CACNA1A: variants seen among roughly 807,000 people sequenced by gnomAD.
CACNA1A encodes the protein voltage-dependent P/Q-type calcium channel subunit alpha-1A.
Under a neutral mutation model 262.4 loss-of-function variants are expected in CACNA1A, and 57 were observed. The ratio of observed to expected loss-of-function variants is 0.22; its 90% confidence interval spans 0.18 to 0.27. CACNA1A has a LOEUF of 0.27. Among genes scored for constraint, CACNA1A ranks in the 10% least tolerant of loss-of-function variants. The pLI, the probability that CACNA1A is intolerant of heterozygous loss-of-function variation, is 1.00. For missense variants in CACNA1A, 2,526 were observed against 3,562.8 expected (o/e 0.71, Z 7.41); for synonymous variants, 1,431 against 1,419.3 (o/e 1.01, Z -0.18).
chr19:13,454,872 T>C (rs565820702), intron 2 of CACNA1A, among the ~76,000 whole-genome samples: 1 of 152,140 alleles, frequency 6.6e-6, no homozygotes, highest in South Asian at 2.1e-4. Flanking sequence ...AGTGGGAGGA[T>C]GGCTTGAGCC....
chr19:13,334,569 GTGTGTGTGTGTGTGTGTGTGTGTT>G, intron 7 of CACNA1A, 76 bp from the exon 8 acceptor site: 3 of 653,060 alleles, frequency 4.6e-6, no homozygotes, highest in Non-Finnish European at 5.4e-6. Context: ...GTTTGTGTGT[GTGTGTGTGTGTGTGTGTGTGTGTT>G]TGTGTGTGTG....
At position 13,241,562 on chromosome 19, in the gene CACNA1A, GGGC is replaced by G; in HGVS notation, c.4950+3617_4950+3619del. 2 of 1,201,734 alleles carry G rather than the reference GGGC, an allele frequency of 1.7e-6. No homozygotes were observed. The highest frequency in any genetic ancestry group is 2.0e-5 in the Admixed American group (1 of 51,006). The allele number at this position is 1,201,734 out of a possible 1,614,324, so 74.4% of individuals were successfully genotyped here. A position where few individuals can be genotyped will look rare whatever the true frequency, so the allele number is the denominator to read the frequency against. On this transcript the variant is annotated intron_variant, in intron 31 of 46. Coordinates refer to ENST00000360228, the MANE Select transcript of CACNA1A (RefSeq NM_001127222.2). The surrounding 1 kb of genome is among the most constrained non-coding windows in gnomAD (Gnocchi z 4.0). ...ATGTTGAAGATGAGGGGGAGCGGGC[GGGC>G]GGGGGCAGTTGGGGAGGCGTGTTCA...
chr19:13,380,719 A>C (rs2059508367), intron 3 of CACNA1A, among the ~76,000 whole-genome samples: 2 of 149,458 alleles, frequency 1.3e-5, no homozygotes, highest in South Asian at 4.2e-4. Context: ...GAAACAGGTA[A>C]AATTCATTTA....
chr19:13,447,451 T>C (rs1245743353), intron 3 of CACNA1A, among the ~76,000 whole-genome samples: 2 of 152,218 alleles, frequency 1.3e-5, no homozygotes, highest in Non-Finnish European at 2.9e-5. Context: ...TGATCACTTA[T>C]TGGGACCCAC....
intron 24 of CACNA1A, chr19:13,275,521 G>T (rs576363991): frequency 2.9e-6 from 1 of 342,266 alleles, no homozygotes; most frequent in East Asian, 5.9e-5. Context: ...TTTGGGCGGC[G>T]CTTGTGGAGT....
At chr19:13,240,847 G>A (rs777613892) in intron 31 of CACNA1A, among the ~76,000 whole-genome samples, 11 of 152,250 alleles carry the variant, frequency 7.2e-5, no homozygotes, top group Admixed American at 4.6e-4. Context: ...GTGTGACTGC[G>A]TGTGCACGTA....
Position 13,257,224 on chromosome 19 carries a change from G to A in CACNA1A, c.4590+126C>T, listed in dbSNP as rs560981473. ...AAGGGCTGCCCTGAAGACTGGATTC[G>A]GTTGGGACAATGCTTCTGTTCCCTC... is the stretch of plus-strand genomic sequence containing the variant. On this transcript the variant is annotated intron_variant, in intron 28 of 46. Transcript: ENST00000360228. The A allele has an allele frequency of 1.1e-4, 78 of 699,930 alleles. 1 individual carries two copies. The highest frequency in any genetic ancestry group is 1.8e-4 in the Non-Finnish European group (75 of 412,816). The allele number at this position is 699,930 out of a possible 1,614,324, so 43.4% of individuals were successfully genotyped here.
rs749474997 is a variant in CACNA1A at position 13,506,128 on chromosome 19, C to A, written c.97G>T (p.Ala33Ser). The A allele has an allele frequency of 6.2e-7, 1 of 1,602,536 alleles. No homozygotes were observed. Among genetic ancestry groups the A allele is most frequent in the Non-Finnish European group, 8.5e-7 (1 of 1,174,858 alleles). The change falls in exon 1 of 47, where the codon GCC becomes TCC. Residue 33 changes from alanine to serine, a missense_variant. Ala to Ser is a moderately conservative substitution (Grantham distance 99). This residue lies in a region of CACNA1A where 65 missense variants were observed against 75.6 expected (regional missense o/e 0.86). Coordinates refer to ENST00000360228, the MANE Select transcript of CACNA1A (RefSeq NM_001127222.2). ...VVVGSGGGRG[A>S]GGSRQGGQPG... ...TGCCCGCCCTGCCGGCTGCCCCCGG[C>A]TCCTCGCCCGCCTCCGCTGCCCACG...
intron 6 of CACNA1A, among the ~76,000 whole-genome samples, chr19:13,338,214 CA>C (rs538455992): frequency 4.8e-5 from 7 of 145,926 alleles, no homozygotes; most frequent in South Asian, 2.2e-4. Flanking sequence ...GACTTCGTCT[CA>C]AAAAAAAAAG....
intron 5 of CACNA1A, among the ~76,000 whole-genome samples, chr19:13,361,414 C>A (rs1369549332): frequency 6.6e-6 from 1 of 152,174 alleles, no homozygotes; most frequent in African/African-American, 2.4e-5. Context: ...CCTCATTTTA[C>A]CAGCACAGCG....
Position 13,236,176 on chromosome 19 carries a change from G to A in CACNA1A, c.4951-446C>T, listed in dbSNP as rs959944219. Among the ~76,000 whole-genome samples, 3 of 150,596 alleles carry A rather than the reference G, an allele frequency of 2.0e-5. No individual in the cohort carries two copies. The highest frequency in any genetic ancestry group is 2.0e-4 in the East Asian group (1 of 5,102). ...AAAGGACACAAGCCGGTCAAGTTGC[G>A]GAATCTATCATACGTGTACGATGCA... On this transcript the variant is annotated intron_variant, in intron 31 of 46. Transcript: ENST00000360228. This position sits in a 1 kb window ranked among gnomAD's most constrained non-coding sequence, Gnocchi z 4.6.
intron 1 of CACNA1A, among the ~76,000 whole-genome samples, chr19:13,489,236 T>C (rs1358640249): frequency 1.3e-5 from 2 of 151,960 alleles, no homozygotes; most frequent in African/African-American, 4.8e-5. Context: ...GATCTCGATC[T>C]CCTGACCTCA....
At chr19:13,485,968 CATCAATGA>C (rs1979927042) in intron 1 of CACNA1A, among the ~76,000 whole-genome samples, 1 of 152,164 alleles carries the variant, frequency 6.6e-6, no homozygotes, top group African/African-American at 2.4e-5. Flanking sequence ...ACATGCTCAT[CATCAATGA>C]ATAAACAAGA....
chr19:13,234,639 CG>C (rs2055804961), intron 34 of CACNA1A, among the ~76,000 whole-genome samples: 1 of 152,030 alleles, frequency 6.6e-6, no homozygotes, highest in Non-Finnish European at 1.5e-5. Context: ...TCCAGCCTCA[CG>C]GGAAAAGAAG....
chr19:13,481,653 T>C (rs1050704063), intron 1 of CACNA1A, among the ~76,000 whole-genome samples: 1 of 152,058 alleles, frequency 6.6e-6, no homozygotes, highest in African/African-American at 2.4e-5. Context: ...CTCACACCAT[T>C]GTTAACATGC....
chr19:13,286,438 G>T, intron 20 of CACNA1A, 65 bp downstream of exon 20: 1 of 779,570 alleles, frequency 1.3e-6, no homozygotes, highest in Non-Finnish European at 2.0e-6. Context: ...GGGTCACTCA[G>T]CAGAGCCTCT....
At chr19:13,311,694 A>C (rs550639348) in intron 12 of CACNA1A, among the ~76,000 whole-genome samples, 3 of 152,060 alleles carry the variant, frequency 2.0e-5, no homozygotes, top group African/African-American at 4.8e-5. Context: ...AAAATTAGCC[A>C]GGTATGATGG....
At position 13,241,557 on chromosome 19, in the gene CACNA1A, C is replaced by A; in HGVS notation, c.4950+3625G>T. 4.6e-6 allele frequency: 1 copy of A among 216,094 alleles called. No individual in the cohort carries two copies. The allele number at this position is 216,094 out of a possible 1,614,324, so 13.4% of individuals were successfully genotyped here. Reference sequence around the variant, plus strand: ...TGCAGATGTTGAAGATGAGGGGGAGCGGGCGGGCGGGGGCAGTTGGGGAGG... The same window carrying A: ...TGCAGATGTTGAAGATGAGGGGGAGAGGGCGGGCGGGGGCAGTTGGGGAGG... On this transcript the variant is annotated intron_variant, in intron 31 of 46. Coordinates refer to ENST00000360228, the MANE Select transcript of CACNA1A (RefSeq NM_001127222.2). The surrounding 1 kb of genome is among the most constrained non-coding windows in gnomAD (Gnocchi z 4.0).
At chr19:13,384,224 CAATA>C (rs1199722031) in intron 3 of CACNA1A, among the ~76,000 whole-genome samples, 3 of 151,998 alleles carry the variant, frequency 2.0e-5, no homozygotes, top group Non-Finnish European at 2.9e-5. Context: ...AGTGAGTACT[CAATA>C]AATATTGTGG....
Sources: gnomAD v4.1 joint callset for allele counts (sites outside exome capture counted in the v4.1 genomes callset) on GRCh38, gnomAD v4.1.1 for gene constraint, gnomAD v4.1.1 regional missense constraint, Gnocchi (gnomAD v3.1) non-coding constraint, MANE v1.5 for transcripts, NCBI Gene and HGNC (gene_info 2026-07-23, HGNC 2026-07-21) for gene names.